Variants in MAGI1 observed in about 807,000 individuals in gnomAD.
MAGI1 encodes the protein membrane-associated guanylate kinase, WW and PDZ domain-containing protein 1.
MAGI1 carries 58 observed loss-of-function variants against 139.9 expected under a neutral mutation model. That is an observed-to-expected ratio of 0.41 (90% CI 0.34 to 0.52). The LOEUF (loss-of-function observed/expected upper bound fraction) is 0.52, where lower values mean the gene tolerates loss of function less well. Among genes scored for constraint, MAGI1 ranks in the 20% least tolerant of loss-of-function variants. The pLI, the probability that MAGI1 is intolerant of heterozygous loss-of-function variation, is 0.12. For missense variants in MAGI1, 1,874 were observed against 1,901.6 expected, an observed-to-expected ratio of 0.99 and a Z score of 0.27; for synonymous variants, 812 against 737.9, an observed-to-expected ratio of 1.10 and a Z score of -1.63.
chr3:65,441,145 G>A (rs1948296580), intron 8 of MAGI1, among the ~76,000 whole-genome samples: 1 of 151,924 alleles, frequency 6.6e-6, no homozygotes, highest in Admixed American at 6.6e-5. Flanking sequence ...ATTTTCAGTA[G>A]AAATGGCGTT....
chr3:65,533,239 C>T (rs1407652777), intron 2 of MAGI1, among the ~76,000 whole-genome samples: 1 of 152,114 alleles, frequency 6.6e-6, no homozygotes, highest in East Asian at 1.9e-4. Flanking sequence ...CCAACATTTA[C>T]GGAGCACTTA....
At chr3:66,003,649 T>C (rs932775818) in intron 1 of MAGI1, among the ~76,000 whole-genome samples, 71 of 152,064 alleles carry the variant, frequency 4.7e-4, no homozygotes, top group African/African-American at 1.7e-3. Context: ...GTATTCTGTA[T>C]TTCAGAGATG....
chr3:65,904,807 C>T (rs1482737152), intron 1 of MAGI1, among the ~76,000 whole-genome samples: 3 of 152,204 alleles, frequency 2.0e-5, no homozygotes, highest in African/African-American at 4.8e-5. Flanking sequence ...ATATGCTGGT[C>T]ATTATGTGGA....
intron 2 of MAGI1, among the ~76,000 whole-genome samples, chr3:65,532,209 A>AT (rs1559644429): frequency 6.6e-6 from 1 of 152,120 alleles, no homozygotes; most frequent in South Asian, 2.1e-4. Context: ...ATTGGGAGCA[A>AT]TTTTTTTGAA....
intron 1 of MAGI1, among the ~76,000 whole-genome samples, chr3:65,949,181 T>C (rs1336050327): frequency 6.6e-6 from 1 of 152,190 alleles, no homozygotes; most frequent in African/African-American, 2.4e-5. Context: ...AGAGCACGTG[T>C]CATATCAGAA....
intron 1 of MAGI1, chr3:65,907,570 T>G (rs1443000433): frequency 1.3e-5 from 2 of 152,176 alleles, no homozygotes; most frequent in Non-Finnish European, 2.9e-5. Context: ...AAGCACAGAT[T>G]GGTTAAAAAT....
chr3:65,759,993 G>A (rs1212303722), intron 1 of MAGI1, among the ~76,000 whole-genome samples: 2 of 152,136 alleles, frequency 1.3e-5, no homozygotes, highest in Non-Finnish European at 2.9e-5. Context: ...GCAAAAATTG[G>A]AGAGCACGAA....
At chr3:65,502,326 A>G (rs1243685933) in intron 2 of MAGI1, among the ~76,000 whole-genome samples, 1 of 152,212 alleles carries the variant, frequency 6.6e-6, no homozygotes, top group African/African-American at 2.4e-5. Flanking sequence ...TATTATCACA[A>G]AAGGGGATTG....
intron 1 of MAGI1, among the ~76,000 whole-genome samples, chr3:65,979,088 T>TCCCCCACCCCCCCCC (rs2065420254): frequency 1.9e-5 from 1 of 52,972 alleles, no homozygotes; most frequent in Non-Finnish European, 3.6e-5. Flanking sequence ...TTTCTTTTCT[T>TCCCCCACCCCCCCCC]CCCCCCCCCC....
chr3:65,871,470 T>G (rs1039234596), intron 1 of MAGI1, among the ~76,000 whole-genome samples: 1 of 152,026 alleles, frequency 6.6e-6, no homozygotes, highest in Non-Finnish European at 1.5e-5. Context: ...AAAAGCAAAT[T>G]TGGGAATTGC....
intron 1 of MAGI1, among the ~76,000 whole-genome samples, chr3:65,888,293 C>T (rs1173961483): frequency 1.3e-5 from 2 of 152,094 alleles, no homozygotes; most frequent in African/African-American, 2.4e-5. Flanking sequence ...TACAAAAGCA[C>T]AAGAATAGTC....
In MAGI1 at chr3:65,577,358, AAT is replaced by A. The variant is rs1282999322; in HGVS notation, c.430+44612_430+44613del. The stretch of plus-strand genomic sequence containing the variant: ...AAACATCAGTTTTAAACAAAGGCAA[AAT>A]CAGAGCAGTGCAGGACTGAGCCATA... On this transcript the variant is annotated intron_variant, in intron 2 of 22. Transcript: ENST00000402939. 9.8e-5 allele frequency among the ~76,000 whole-genome samples: 15 copies of A among 152,338 alleles called. No individual in the cohort carries two copies. In the East Asian group the frequency reaches 2.9e-3, roughly 29 times the overall value.
chr3:65,490,674 T>C (rs1387135130), intron 3 of MAGI1, among the ~76,000 whole-genome samples: 1 of 151,438 alleles, frequency 6.6e-6, no homozygotes, highest in Non-Finnish European at 1.5e-5. Flanking sequence ...TGAAACCCTG[T>C]CTCTACTAAA....
intron 2 of MAGI1, among the ~76,000 whole-genome samples, chr3:65,577,182 G>A (rs2081214402): frequency 6.6e-6 from 1 of 152,062 alleles, no homozygotes; most frequent in Non-Finnish European, 1.5e-5. Context: ...AAATATCACA[G>A]GCAGAGCTGG....
chr3:65,723,067 C>T (rs1280686760), intron 1 of MAGI1, among the ~76,000 whole-genome samples: 6 of 151,948 alleles, frequency 3.9e-5, no homozygotes, highest in Non-Finnish European at 8.8e-5. Flanking sequence ...TTAGGTTGCC[C>T]GGACTGTCAT....
intron 12 of MAGI1, among the ~76,000 whole-genome samples, chr3:65,412,040 T>A (rs1945837464): frequency 6.6e-6 from 1 of 152,162 alleles, no homozygotes; most frequent in African/African-American, 2.4e-5. Flanking sequence ...GATTGTACTG[T>A]CTCCTGGCTC....
chr3:65,427,637 C>T (rs1166170595), intron 12 of MAGI1, among the ~76,000 whole-genome samples: 2 of 152,116 alleles, frequency 1.3e-5, no homozygotes, highest in Non-Finnish European at 2.9e-5. Flanking sequence ...AGCAACTATA[C>T]AAAAATCAGT....
chr3:65,469,285 T>C lies in MAGI1; in HGVS notation c.959+998A>G, dbSNP rs75668346. Among the ~76,000 whole-genome samples the C allele has an allele frequency of 2.2e-3, 338 of 152,300 alleles. 8 individuals are homozygous for C. The East Asian group carries it at 0.039, about 18-fold the overall frequency. On this transcript the variant is annotated intron_variant, in intron 5 of 22. Coordinates refer to ENST00000402939, the MANE Select transcript of MAGI1 (RefSeq NM_001033057.2). ...TTAACAGTAGATCAGTTTCAATCTA[T>C]ACGAGTATAACAGATGAATCTGTGG...
chr3:65,530,756 CGTAT>C (rs1559642788), intron 2 of MAGI1, among the ~76,000 whole-genome samples: 1 of 29,606 alleles, frequency 3.4e-5, no homozygotes, highest in African/African-American at 1.5e-4. Context: ...TATATATACA[CGTAT>C]ATATATATAT....
Sources: allele counts gnomAD v4.1 joint callset (sites outside exome capture counted in the v4.1 genomes callset), GRCh38; gene constraint gnomAD v4.1.1; transcripts MANE v1.5; gene names NCBI Gene and HGNC (gene_info 2026-07-23, HGNC 2026-07-21).